The following LMF1 variants were observed in gnomAD, a reference collection of about 807,000 sequenced individuals.
The protein encoded by LMF1 is lipase maturation factor 1, also known as transmembrane protein 112.
Under a neutral mutation model 60.6 loss-of-function variants are expected in LMF1, and 68 were observed. The observed-to-expected ratio is 1.12, with a 90% CI of 0.92 to 1.37. The LOEUF (loss-of-function observed/expected upper bound fraction) is 1.37. Ranked by LOEUF, LMF1 falls within the 40% of genes most tolerant of loss-of-function variation. The probability of loss-of-function intolerance (pLI) is 0.00; values close to 1 mark genes in which losing one functional copy is unlikely to be tolerated. For missense variants in LMF1, 948 were observed against 767.2 expected (o/e 1.24, Z -2.78); for synonymous variants, 418 against 324.7 (o/e 1.29, Z -3.09).
Position 854,307 on chromosome 16 carries a change from G to T in LMF1, c.*225C>A, listed in dbSNP as rs1249115856. On this transcript the variant is annotated 3_prime_UTR_variant, in exon 11 of 11. Transcript: ENST00000262301. The stretch of plus-strand genomic sequence containing the variant: ...GGAGATCAGAGCCCCTGGCGCCTGG[G>T]ACAAGGGTTGGCCTGGATGTGGGGC... 1 of 691,402 alleles carries T rather than the reference G, an allele frequency of 1.4e-6. No homozygotes were observed. The highest frequency in any genetic ancestry group is 1.5e-5 in the South Asian group (1 of 66,580). The allele number at this position is 691,402 out of a possible 1,614,324, so 42.8% of individuals were successfully genotyped here. A position where few individuals can be genotyped will look rare whatever the true frequency, so the allele number is the denominator to read the frequency against.
intron 4 of LMF1, among the ~76,000 whole-genome samples, chr16:895,102 G>A (rs370169592): frequency 2.0e-5 from 3 of 152,308 alleles, no homozygotes; most frequent in South Asian, 4.1e-4. Context: ...CATCTGCCAC[G>A]GCGCCAGTCG....
chr16:914,611 C>CCGTT (rs1436546248), intron 3 of LMF1, among the ~76,000 whole-genome samples: 1 of 90,754 alleles, frequency 1.1e-5, no homozygotes, highest in Non-Finnish European at 2.4e-5. Context: ...CACACTCCCT[C>CCGTT]CCTCCCCATG....
chr16:855,990 T>G (rs1282479807), intron 10 of LMF1: 2 of 455,648 alleles, frequency 4.4e-6, no homozygotes, highest in East Asian at 7.0e-5. Flanking sequence ...TCTCCCCAAG[T>G]CTGAATTACG....
chr16:945,165 C>T (rs923888836), intron 2 of LMF1, among the ~76,000 whole-genome samples: 12 of 141,986 alleles, frequency 8.5e-5, no homozygotes, highest in South Asian at 4.4e-4. Flanking sequence ...GGACCGAGTT[C>T]GCACCACTGC....
intron 3 of LMF1, among the ~76,000 whole-genome samples, chr16:928,874 CA>C (rs1247374395): frequency 1.3e-5 from 2 of 152,220 alleles, no homozygotes; most frequent in Non-Finnish European, 2.9e-5. Context: ...AAAGAAATTA[CA>C]AAACGATTTT....
chr16:945,982 C>T (rs1176067421), intron 2 of LMF1, among the ~76,000 whole-genome samples: 1 of 152,186 alleles, frequency 6.6e-6, no homozygotes, highest in East Asian at 1.9e-4. Context: ...TCTTGTTATG[C>T]AGCAATGATA....
At position 878,106 on chromosome 16, in the gene LMF1, T is replaced by C. The variant is rs2235635; in HGVS notation, c.897+1464A>G. Among the ~76,000 whole-genome samples, 45,345 of 149,828 alleles carry C rather than the reference T, an allele frequency of 0.3. 9,901 individuals are homozygous for C. Among genetic ancestry groups the C allele is most frequent in the African/African-American group, 0.61 (24,742 of 40,796 alleles). On this transcript the variant is annotated intron_variant, in intron 6 of 10. Transcript: ENST00000262301. This position sits in a 1 kb window ranked among gnomAD's most constrained non-coding sequence, Gnocchi z 5.2. ...CAGACGCGCGTGGGGTCCAGCCACA[T>C]GGAATCCACTGAAGCTATTCCAGGA...
intron 2 of LMF1, among the ~76,000 whole-genome samples, chr16:945,932 G>C (rs1214582358): frequency 6.6e-6 from 1 of 152,212 alleles, no homozygotes; most frequent in Non-Finnish European, 1.5e-5. Context: ...TGCAAAGACA[G>C]ACTGTTCTCC....
At chr16:972,364 G>A (rs1596179999), upstream of LMF1, among the ~76,000 whole-genome samples, 2 of 152,230 alleles carry the variant, frequency 1.3e-5, no homozygotes, top group Admixed American at 6.5e-5. Flanking sequence ...CTCCGGGAGC[G>A]TGGTGTGTGC....
rs578123881 is a variant in LMF1 at position 960,072 on chromosome 16, G to A, written c.194-5406C>T. 7.2e-5 allele frequency among the ~76,000 whole-genome samples: 11 copies of A among 152,276 alleles called. No individual in the cohort carries two copies. In the South Asian group the frequency reaches 1.9e-3, roughly 26 times the overall value. Reference sequence around the variant, plus strand: ...AGAGGGCCAGCAGCTGTGACACCCCGGGAGCAACGGCCCTCCCAGTGCCCA... The same window carrying A: ...AGAGGGCCAGCAGCTGTGACACCCCAGGAGCAACGGCCCTCCCAGTGCCCA... On this transcript the variant is annotated intron_variant, in intron 1 of 10. Coordinates refer to ENST00000262301, the MANE Select transcript of LMF1 (RefSeq NM_022773.4).
intron 10 of LMF1, among the ~76,000 whole-genome samples, chr16:865,510 C>T (rs990761990): frequency 6.6e-6 from 1 of 152,044 alleles, no homozygotes; most frequent in Non-Finnish European, 1.5e-5. Context: ...GCACCATACT[C>T]GCTCATTTTT....
In LMF1 at chr16:871,543, G is replaced by T. The variant is rs893048548; in HGVS notation, c.898-202C>A. On this transcript the variant is annotated intron_variant, in intron 6 of 10. Coordinates refer to ENST00000262301, the MANE Select transcript of LMF1 (RefSeq NM_022773.4). ...GCAGATGCCTCAGAGGTGCCTTCCGGCAGGTGCTTCCAGAACATTCCTCCC... is the reference window on the plus strand; with the variant it reads ...GCAGATGCCTCAGAGGTGCCTTCCGTCAGGTGCTTCCAGAACATTCCTCCC... 1.7e-5 allele frequency: 10 copies of T among 598,252 alleles called. No individual in the cohort carries two copies. In the African/African-American group the frequency reaches 1.9e-4, roughly 11 times the overall value. 37.1% of individuals were successfully genotyped at this position (598,252 alleles called of 1,614,324 possible). A position where few individuals can be genotyped will look rare whatever the true frequency, so the allele number is the denominator to read the frequency against.
At position 871,285 on chromosome 16, in the gene LMF1, G is replaced by T; in HGVS notation, c.954C>A (p.Pro318=). 2 of 1,612,584 alleles carry T rather than the reference G, an allele frequency of 1.2e-6. No individual in the cohort carries two copies. Among genetic ancestry groups the T allele is most frequent in the Non-Finnish European group, 1.7e-6 (2 of 1,179,822 alleles). The change falls in exon 7 of 11, where the codon CCC becomes CCA. Residue 318 remains proline (P), a synonymous_variant. Coordinates refer to ENST00000262301, the MANE Select transcript of LMF1 (RefSeq NM_022773.4). ...TGGCGTCATCAAAGCAGGCCAGGCTGGGCACCATAGTCAGCCAGTTCAGGA... is the reference window on the plus strand; with the variant it reads ...TGGCGTCATCAAAGCAGGCCAGGCTTGGCACCATAGTCAGCCAGTTCAGGA... ...LSFLNWLTMV[P]SLACFDDATL...
At chr16:967,752 G>C (rs773901231) in intron 1 of LMF1, among the ~76,000 whole-genome samples, 8 of 152,224 alleles carry the variant, frequency 5.3e-5, no homozygotes, top group Non-Finnish European at 1.2e-4. Context: ...AGGATACGCA[G>C]GCTGCACAGT....
At chr16:947,744 G>A (rs2072274390) in intron 2 of LMF1, 1 of 364,422 alleles carries the variant, frequency 2.7e-6, no homozygotes, top group Non-Finnish European at 5.4e-6. Flanking sequence ...GCCAAGCGCG[G>A]ATGACAGTCA....
At chr16:860,086 A>G (rs1004192401) in intron 10 of LMF1, among the ~76,000 whole-genome samples, 2 of 150,270 alleles carry the variant, frequency 1.3e-5, no homozygotes, top group African/African-American at 5.0e-5. Context: ...TCATTTTCTA[A>G]TAAGATTATT....
chr16:931,344 T>C (rs930617077), intron 3 of LMF1, among the ~76,000 whole-genome samples: 3 of 152,232 alleles, frequency 2.0e-5, no homozygotes, highest in Non-Finnish European at 2.9e-5. Context: ...ACGCACTGCC[T>C]GAGGATGCTG....
At chr16:981,337 AG>A (rs2073362549), upstream of LMF1, 14 of 319,970 alleles carry the variant, frequency 4.4e-5, no homozygotes, top group East Asian at 1.0e-4. Context: ...AGAGAGAGAG[AG>A]AGAGAGAGAG....
chr16:967,005 C>A (rs1337839748), intron 1 of LMF1, among the ~76,000 whole-genome samples: 1 of 152,188 alleles, frequency 6.6e-6, no homozygotes, highest in Admixed American at 6.5e-5. Context: ...CCAGGAGAAC[C>A]CACCCAGGGT....
Sources: allele counts gnomAD v4.1 joint callset (sites outside exome capture counted in the v4.1 genomes callset), GRCh38; gene constraint gnomAD v4.1.1; non-coding constraint Gnocchi (gnomAD v3.1); transcripts MANE v1.5; gene names NCBI Gene and HGNC (gene_info 2026-07-23, HGNC 2026-07-21).